Variants in REDIC1 observed in about 807,000 individuals in gnomAD.
The protein encoded by REDIC1 is regulator of DNA class I crossover intermediates 1.
the REDIC1 span, among the ~76,000 whole-genome samples, chr12:39,741,477 T>C: frequency 6.6e-6 from 1 of 152,184 alleles, no homozygotes; most frequent in African/African-American, 2.4e-5. Flanking sequence ...GCAGTTCATT[T>C]CACAAGGCTT....
the REDIC1 span, among the ~76,000 whole-genome samples, chr12:39,771,572 A>T: frequency 1.3e-5 from 2 of 152,138 alleles, no homozygotes; most frequent in Non-Finnish European, 2.9e-5. Context: ...CTGTGCATTG[A>T]TTGTAGGCTT....
At chr12:39,907,862 C>G in the REDIC1 span, 4 of 152,134 alleles carry the variant, frequency 2.6e-5, no homozygotes, top group Non-Finnish European at 4.4e-5. Flanking sequence ...CCCCTGGGTA[C>G]TGGAAAGAGA....
At chr12:39,653,532 TCTTCTTTTTC>T in the REDIC1 span, among the ~76,000 whole-genome samples, 5 of 58,084 alleles carry the variant, frequency 8.6e-5, no homozygotes, top group African/African-American at 2.5e-4. Flanking sequence ...TTCTTCTTCT[TCTTCTTTTTC>T]TTCTTCTTCT....
At chr12:39,895,677 C>CACACATGTATATGCGTGTATAT in the REDIC1 span, among the ~76,000 whole-genome samples, 2 of 37,294 alleles carry the variant, frequency 5.4e-5, 1 homozygote, top group African/African-American at 1.5e-4. Context: ...TGCGTGTATA[C>CACACATGTATATGCGTGTATAT]GTACACACAT....
At chr12:39,635,024 C>G in the REDIC1 span, among the ~76,000 whole-genome samples, 1 of 152,092 alleles carries the variant, frequency 6.6e-6, no homozygotes, top group African/African-American at 2.4e-5. Context: ...CCAACAGACA[C>G]AACAGACATA....
chr12:39,655,360 C>T, the REDIC1 span, among the ~76,000 whole-genome samples: 1 of 152,110 alleles, frequency 6.6e-6, no homozygotes, highest in Admixed American at 6.5e-5. Flanking sequence ...TAGATGTCAA[C>T]TAATGATTGG....
the REDIC1 span, among the ~76,000 whole-genome samples, chr12:39,677,334 T>TA: frequency 4.6e-5 from 7 of 151,806 alleles, no homozygotes; most frequent in African/African-American, 1.7e-4. Context: ...CAAAAACAGT[T>TA]AAAAAAGACA....
chr12:39,820,432 A>G, the REDIC1 span, among the ~76,000 whole-genome samples: 1 of 152,184 alleles, frequency 6.6e-6, no homozygotes, highest in African/African-American at 2.4e-5. Flanking sequence ...CAATGCTAAA[A>G]CATGGATTGC....
At chr12:39,902,657 G>A in the REDIC1 span, among the ~76,000 whole-genome samples, 3 of 151,970 alleles carry the variant, frequency 2.0e-5, no homozygotes, top group Admixed American at 6.6e-5. Flanking sequence ...AGTGGTAAAG[G>A]CTAACTTTTT....
At chr12:39,867,457 A>AAAAAAC in the REDIC1 span, among the ~76,000 whole-genome samples, 1 of 152,132 alleles carries the variant, frequency 6.6e-6, no homozygotes, top group Non-Finnish European at 1.5e-5. Flanking sequence ...CTATTTTTGA[A>AAAAAAC]AAAAACAAAA....
the REDIC1 span, among the ~76,000 whole-genome samples, chr12:39,711,043 C>A: frequency 6.6e-6 from 1 of 151,374 alleles, no homozygotes; most frequent in Non-Finnish European, 1.5e-5. Flanking sequence ...CCCACTTCCT[C>A]CTCCCACTCT....
chr12:39,878,557 C>T, the REDIC1 span, among the ~76,000 whole-genome samples: 4 of 152,126 alleles, frequency 2.6e-5, no homozygotes, highest in Admixed American at 6.5e-5. Context: ...AGATTGATTA[C>T]TACAGTATCT....
At chr12:39,714,270 T>TATATACGTATATACATGC in the REDIC1 span, among the ~76,000 whole-genome samples, 15 of 118,090 alleles carry the variant, frequency 1.3e-4, no homozygotes, top group Non-Finnish European at 2.4e-4. Flanking sequence ...TGCATATATG[T>TATATACGTATATACATGC]ATATATGTAT....
At chr12:39,732,983 G>A in the REDIC1 span, among the ~76,000 whole-genome samples, 6 of 152,050 alleles carry the variant, frequency 3.9e-5, no homozygotes, top group Middle Eastern at 3.4e-3. Flanking sequence ...TAAATTGGAG[G>A]TGATACTTCA....
At chr12:39,705,177 A>G in the REDIC1 span, among the ~76,000 whole-genome samples, 1 of 152,166 alleles carries the variant, frequency 6.6e-6, no homozygotes, top group Non-Finnish European at 1.5e-5. Flanking sequence ...CGTGGGTGCT[A>G]TGAATGACTA....
the REDIC1 span, among the ~76,000 whole-genome samples, chr12:39,702,386 AG>A: frequency 6.6e-6 from 1 of 152,254 alleles, no homozygotes; most frequent in Admixed American, 6.5e-5. Flanking sequence ...TAAACCAGGA[AG>A]AAGTTGAATC....
At chr12:39,846,926 T>C in the REDIC1 span, among the ~76,000 whole-genome samples, 5 of 152,290 alleles carry the variant, frequency 3.3e-5, no homozygotes, top group East Asian at 9.6e-4. Flanking sequence ...TTTGAAAAGA[T>C]AAGGAAATCA....
chr12:39,834,660 G>C, the REDIC1 span, among the ~76,000 whole-genome samples: 1 of 152,012 alleles, frequency 6.6e-6, no homozygotes, highest in East Asian at 1.9e-4. Context: ...TCCAAGGAGT[G>C]GGGCTCGGTG....
At chr12:39,635,172 G>A in the REDIC1 span, among the ~76,000 whole-genome samples, 1 of 152,144 alleles carries the variant, frequency 6.6e-6, no homozygotes, top group South Asian at 2.1e-4. Flanking sequence ...TGGAGAAATA[G>A]GAACACTTTT....
Sources: allele counts gnomAD v4.1 joint callset (sites outside exome capture counted in the v4.1 genomes callset), GRCh38; gene constraint gnomAD v4.1.1; transcripts MANE v1.5; gene names NCBI Gene and HGNC (gene_info 2026-07-23, HGNC 2026-07-21).